The following ANK2 variants were observed in gnomAD, a reference collection of about 807,000 sequenced individuals.
ANK2 encodes ankyrin-2.
ANK2 carries 83 observed loss-of-function variants against 360.5 expected under a neutral mutation model. The ratio of observed to expected loss-of-function variants is 0.23; its 90% CI spans 0.19 to 0.28. The LOEUF is 0.28. Ranked by LOEUF, ANK2 falls within the 10% of genes least tolerant of loss-of-function variation. ANK2 has a pLI of 1.00. For synonymous variants in ANK2, 1,740 were observed against 1,759.5 expected (o/e 0.99, Z 0.28); for missense variants, 4,201 against 4,795.7 (o/e 0.88, Z 3.66).
At chr4:113,233,106 G>GT (rs1156385030) in intron 5 of ANK2, among the ~76,000 whole-genome samples, 5 of 79,644 alleles carry the variant, frequency 6.3e-5, no homozygotes, top group African/African-American at 9.3e-5. Context: ...TGGCTTTTCT[G>GT]TTTTTTTTTT....
chr4:112,781,154 C>G, the ANK2 span, among the ~76,000 whole-genome samples: 1 of 152,100 alleles, frequency 6.6e-6, no homozygotes, highest in African/African-American at 2.4e-5. Flanking sequence ...TGCACATCAC[C>G]ACGCCTGGAT....
the ANK2 span, among the ~76,000 whole-genome samples, chr4:112,742,468 T>G: frequency 6.6e-6 from 1 of 151,816 alleles, no homozygotes; most frequent in Non-Finnish European, 1.5e-5. Flanking sequence ...ACACCCTAGA[T>G]AAGATTGGCT....
At chr4:113,097,246 T>G (rs1420548129) in intron 1 of ANK2, among the ~76,000 whole-genome samples, 1 of 151,632 alleles carries the variant, frequency 6.6e-6, no homozygotes, top group African/African-American at 2.4e-5. Flanking sequence ...CCCTAAATTA[T>G]TCCCACAAAA....
intron 23 of ANK2, among the ~76,000 whole-genome samples, chr4:113,307,775 T>A (rs947159276): frequency 6.6e-6 from 1 of 152,198 alleles, no homozygotes; most frequent in African/African-American, 2.4e-5. Flanking sequence ...CCACTCACTA[T>A]CACTGAGGAA....
At chr4:113,037,561 A>G (rs2061884787) in intron 2 of ANK2, among the ~76,000 whole-genome samples, 1 of 151,986 alleles carries the variant, frequency 6.6e-6, no homozygotes, top group Admixed American at 6.6e-5. Flanking sequence ...ACCAAAATAG[A>G]AGGATTGACC....
intron 2 of ANK2, among the ~76,000 whole-genome samples, chr4:112,988,933 A>T (rs2045834370): frequency 6.6e-6 from 1 of 152,182 alleles, no homozygotes; most frequent in South Asian, 2.1e-4. Context: ...GTTTCATGGG[A>T]GGACACAGAT....
At chr4:112,711,702 C>A in the ANK2 span, among the ~76,000 whole-genome samples, 1 of 151,850 alleles carries the variant, frequency 6.6e-6, no homozygotes, top group East Asian at 1.9e-4. Flanking sequence ...CACCTGTAAT[C>A]CCAGCTACTT....
chr4:112,776,913 C>A, the ANK2 span, among the ~76,000 whole-genome samples: 4 of 152,144 alleles, frequency 2.6e-5, no homozygotes, highest in African/African-American at 9.7e-5. Flanking sequence ...TTTCACACAA[C>A]CCTCTCTATT....
At chr4:113,157,944 A>C (rs2097363971) in intron 1 of ANK2, among the ~76,000 whole-genome samples, 1 of 152,220 alleles carries the variant, frequency 6.6e-6, no homozygotes, top group Non-Finnish European at 1.5e-5. Flanking sequence ...GAATATAGTA[A>C]AGTTAGCTAT....
intron 3 of ANK2, among the ~76,000 whole-genome samples, chr4:113,197,326 G>A (rs950893693): frequency 6.6e-6 from 1 of 152,200 alleles, no homozygotes; most frequent in Non-Finnish European, 1.5e-5. Context: ...ACTGTTCCTT[G>A]ATGCTGCTTT....
rs115213572 is a variant in ANK2 at position 112,946,019 on chromosome 4, A to G, written c.21+41505A>G. Among the ~76,000 whole-genome samples, 248 of 152,330 alleles carry G rather than the reference A, an allele frequency of 1.6e-3. 1 individual carries two copies. Among genetic ancestry groups the G allele is most frequent in the African/African-American group, 5.6e-3 (233 of 41,582 alleles). The stretch of plus-strand genomic sequence containing the variant: ...TCAGCTGGACCCAGGAGAGGAGGCA[A>G]TGATCTTGTCACTCTGCAAGTAATC... On this transcript the variant is annotated intron_variant, in intron 2 of 30. Coordinates refer to the ANK2 transcript ENST00000503271.
chr4:113,315,892 G>A (rs67733223), intron 24 of ANK2, among the ~76,000 whole-genome samples: 17,213 of 112,044 alleles, frequency 0.15, 1,460 homozygotes, highest in African/African-American at 0.3. Flanking sequence ...GCGAGACTCC[G>A]TCTCAAAAAA....
chr4:113,332,378 AGCAACCTGG>A (rs1242615769), intron 28 of ANK2, among the ~76,000 whole-genome samples: 2 of 152,194 alleles, frequency 1.3e-5, no homozygotes, highest in Non-Finnish European at 2.9e-5. Context: ...TCTGTATCAA[AGCAACCTGG>A]ACCCAAAAAT....
intron 45 of ANK2, chr4:113,374,955 G>A: frequency 9.0e-7 from 1 of 1,115,158 alleles, no homozygotes; most frequent in Non-Finnish European, 1.1e-6. Flanking sequence ...AGGTATAGAA[G>A]CATCATCATT....
intron 4 of ANK2, among the ~76,000 whole-genome samples, chr4:113,203,757 A>G (rs908792243): frequency 6.6e-6 from 1 of 151,952 alleles, no homozygotes; most frequent in Non-Finnish European, 1.5e-5. Flanking sequence ...ACAAATTGAG[A>G]CTCAGGTGGC....
intron 4 of ANK2, among the ~76,000 whole-genome samples, chr4:113,208,784 T>G (rs2098985866): frequency 6.6e-6 from 1 of 151,894 alleles, no homozygotes; most frequent in African/African-American, 2.4e-5. Flanking sequence ...ATTATAGGCA[T>G]GAGCCACTTT....
At chr4:112,877,278 A>G (rs190834782) in intron 1 of ANK2, among the ~76,000 whole-genome samples, 2 of 152,276 alleles carry the variant, frequency 1.3e-5, no homozygotes, top group African/African-American at 4.8e-5. Context: ...CAGAATGCCC[A>G]CCACAATAAT....
At chr4:112,900,519 G>A (rs1350115772) in intron 1 of ANK2, among the ~76,000 whole-genome samples, 4 of 152,100 alleles carry the variant, frequency 2.6e-5, no homozygotes, top group African/African-American at 7.2e-5. Flanking sequence ...GATAGACACG[G>A]GGGACTTCAA....
chr4:112,863,514 C>CTTT (rs952398354), intron 1 of ANK2, among the ~76,000 whole-genome samples: 50 of 107,038 alleles, frequency 4.7e-4, no homozygotes, highest in Non-Finnish European at 5.8e-4. Flanking sequence ...TTTAGAGTAT[C>CTTT]TTTTTTTTTT....
Sources: gnomAD v4.1 joint callset for allele counts (sites outside exome capture counted in the v4.1 genomes callset) on GRCh38, gnomAD v4.1.1 for gene constraint, MANE v1.5 for transcripts, NCBI Gene and HGNC (gene_info 2026-07-23, HGNC 2026-07-21) for gene names.